Variants in KCNN2 observed in about 807,000 individuals in gnomAD.
KCNN2 encodes the protein potassium calcium-activated channel subfamily N member 2, also known as small conductance calcium-activated potassium channel protein 2.
A neutral mutation model predicts 55.5 loss-of-function variants in KCNN2; 24 were observed. That is an observed-to-expected ratio of 0.43 (90% CI 0.31 to 0.61). The LOEUF is 0.61. KCNN2 is among the 20% of genes least tolerant of loss of function. The pLI, the probability that KCNN2 is intolerant of heterozygous loss-of-function variation, is 0.08. For synonymous variants in KCNN2, 431 were observed against 336.1 expected (o/e 1.28, Z -3.09); for missense variants, 754 against 853.6 (o/e 0.88, Z 1.45).
At chr5:114,222,665 T>C (rs1174399847) in intron 2 of KCNN2, among the ~76,000 whole-genome samples, 1 of 152,200 alleles carries the variant, frequency 6.6e-6, no homozygotes, top group African/African-American at 2.4e-5. Context: ...CAGGGAATCA[T>C]ATCCCTTGTT....
intron 1 of KCNN2, among the ~76,000 whole-genome samples, chr5:114,148,347 G>A (rs1341734173): frequency 6.6e-6 from 1 of 152,050 alleles, no homozygotes; most frequent in Non-Finnish European, 1.5e-5. Context: ...CTTTTTTTGT[G>A]CAACAAACAC....
intron 2 of KCNN2, among the ~76,000 whole-genome samples, chr5:114,354,342 C>T (rs1757261813): frequency 1.3e-5 from 2 of 151,896 alleles, no homozygotes; most frequent in South Asian, 2.1e-4. Context: ...CTTTATAGTT[C>T]AGAGTTGGGC....
chr5:114,074,991 G>T (rs116694799), intron 1 of KCNN2, among the ~76,000 whole-genome samples: 1 of 152,168 alleles, frequency 6.6e-6, no homozygotes, highest in African/African-American at 2.4e-5. Flanking sequence ...ACACAAGAAG[G>T]CAGGTTCATT....
chr5:114,187,954 A>G (rs1300162847), intron 1 of KCNN2, among the ~76,000 whole-genome samples: 1 of 151,656 alleles, frequency 6.6e-6, no homozygotes, highest in Non-Finnish European at 1.5e-5. Context: ...AGCTGGGATT[A>G]CAGGTACTCA....
At chr5:114,427,525 T>C (rs573441205) in intron 3 of KCNN2, among the ~76,000 whole-genome samples, 2 of 152,352 alleles carry the variant, frequency 1.3e-5, no homozygotes, top group East Asian at 1.9e-4. Context: ...ATTAGAGTCC[T>C]ATTATGTTAA....
chr5:114,086,065 A>C (rs1751010306), intron 1 of KCNN2, among the ~76,000 whole-genome samples: 1 of 151,990 alleles, frequency 6.6e-6, no homozygotes, highest in African/African-American at 2.4e-5. Context: ...CTTTGATTAA[A>C]ATTTGCATTG....
chr5:114,445,078 G>C (rs1293691948), intron 3 of KCNN2, among the ~76,000 whole-genome samples: 1 of 152,136 alleles, frequency 6.6e-6, no homozygotes, highest in Non-Finnish European at 1.5e-5. Flanking sequence ...ATATGTGCTT[G>C]CATGTATATG....
chr5:114,451,857 A>C (rs991694361), intron 3 of KCNN2, among the ~76,000 whole-genome samples: 1 of 151,558 alleles, frequency 6.6e-6, no homozygotes, highest in Non-Finnish European at 1.5e-5. Context: ...AGATCACGCC[A>C]CTACACTCCA....
intron 1 of KCNN2, among the ~76,000 whole-genome samples, chr5:114,202,176 C>T (rs535883927): frequency 1.2e-3 from 175 of 152,078 alleles, no homozygotes; most frequent in African/African-American, 4.1e-3. Context: ...GCGGCTGCTC[C>T]AGGGTTGGAT....
At chr5:114,488,955 G>A (rs1323741081) in intron 6 of KCNN2, 3 of 152,200 alleles carry the variant, frequency 2.0e-5, no homozygotes, top group African/African-American at 7.2e-5. Flanking sequence ...GTGAGCAAGT[G>A]TGGTCGGTCT....
At chr5:114,337,610 CA>C (rs1339046309) in intron 2 of KCNN2, among the ~76,000 whole-genome samples, 1 of 152,004 alleles carries the variant, frequency 6.6e-6, no homozygotes, top group East Asian at 1.9e-4. Context: ...AGAATGTAGC[CA>C]AAGTTCTTCT....
intron 3 of KCNN2, among the ~76,000 whole-genome samples, chr5:114,453,430 A>C (rs1338240433): frequency 2.6e-5 from 4 of 152,212 alleles, no homozygotes; most frequent in Non-Finnish European, 4.4e-5. Context: ...AAACTTTTTA[A>C]GATCTTTTCT....
intron 1 of KCNN2, among the ~76,000 whole-genome samples, chr5:114,190,976 G>A (rs536059789): frequency 2.0e-5 from 3 of 152,192 alleles, no homozygotes; most frequent in South Asian, 2.1e-4. Flanking sequence ...ACTATTTTTA[G>A]GATGAGATTA....
At chr5:114,166,942 A>T (rs1752925080) in intron 1 of KCNN2, among the ~76,000 whole-genome samples, 1 of 152,092 alleles carries the variant, frequency 6.6e-6, no homozygotes, top group South Asian at 2.1e-4. Context: ...GTAAACCAGG[A>T]ATTGGTCCCT....
chr5:114,476,097 T>A (rs548218659), intron 5 of KCNN2, among the ~76,000 whole-genome samples: 72 of 152,094 alleles, frequency 4.7e-4, no homozygotes, highest in Middle Eastern at 3.4e-3. Context: ...GCAGGTTAGT[T>A]ACATATGTAT....
At chr5:114,091,186 A>G (rs1410454249) in intron 1 of KCNN2, among the ~76,000 whole-genome samples, 2 of 152,092 alleles carry the variant, frequency 1.3e-5, no homozygotes, top group Non-Finnish European at 2.9e-5. Flanking sequence ...GTCTCCTGCT[A>G]TCCCCTGGCT....
At chr5:114,066,603 C>T (rs1750456494) in intron 1 of KCNN2, among the ~76,000 whole-genome samples, 1 of 152,190 alleles carries the variant, frequency 6.6e-6, no homozygotes, top group Non-Finnish European at 1.5e-5. Context: ...GAGACGAAAT[C>T]TCGCTCTGTC....
Position 114,256,224 on chromosome 5 carries a change from T to C in KCNN2, c.-185+34659T>C, listed in dbSNP as rs1754980287. On this transcript the variant is annotated intron_variant, in intron 2 of 10. Coordinates refer to the KCNN2 transcript ENST00000512097. ...TAGGATTCCATGGTATGGGTGTGTGTGTATATATATATATCTACACATATA... is the reference window on the plus strand; with the variant it reads ...TAGGATTCCATGGTATGGGTGTGTGCGTATATATATATATCTACACATATA... Among the ~76,000 whole-genome samples, 3 of 152,070 alleles carry C rather than the reference T, an allele frequency of 2.0e-5. No individual in the cohort carries two copies. The South Asian group carries it at 6.2e-4, about 32-fold the overall frequency.
intron 1 of KCNN2, among the ~76,000 whole-genome samples, chr5:114,083,046 G>A (rs1369978964): frequency 1.3e-5 from 2 of 152,040 alleles, no homozygotes; most frequent in South Asian, 2.1e-4. Flanking sequence ...CTTAGGAATG[G>A]TTAAGATGGC....
Sources: gnomAD v4.1 joint callset for allele counts (sites outside exome capture counted in the v4.1 genomes callset) on GRCh38, gnomAD v4.1.1 for gene constraint, MANE v1.5 for transcripts, NCBI Gene and HGNC (gene_info 2026-07-23, HGNC 2026-07-21) for gene names.